UBE2V2: variants seen among roughly 807,000 people sequenced by gnomAD.
UBE2V2 encodes ubiquitin-conjugating enzyme E2 variant 2.
A neutral mutation model predicts 17.2 loss-of-function variants in UBE2V2; 9 were observed. The observed-to-expected ratio is 0.52, with a 90% CI of 0.32 to 0.91. The LOEUF (loss-of-function observed/expected upper bound fraction) is 0.91, where lower values mean the gene tolerates loss of function less well. Ranked by LOEUF, UBE2V2 falls within the 40% of genes least tolerant of loss-of-function variation. The pLI, the probability that UBE2V2 is intolerant of heterozygous loss-of-function variation, is 0.04. For missense variants in UBE2V2, 133 were observed against 182.6 expected, an observed-to-expected ratio of 0.73 and a Z score of 1.56; for synonymous variants, 61 against 57.5, an observed-to-expected ratio of 1.06 and a Z score of -0.28.
At chr8:48,012,224 T>TA (rs993886080) in intron 1 of UBE2V2, among the ~76,000 whole-genome samples, 1 of 152,142 alleles carries the variant, frequency 6.6e-6, no homozygotes, top group Non-Finnish European at 1.5e-5. Flanking sequence ...AGATCCTTCT[T>TA]ATGGATGAAA....
chr8:48,035,951 T>TC lies in UBE2V2; in HGVS notation c.17-7082_17-7081insC, dbSNP rs955408511. Among the ~76,000 whole-genome samples the TC allele has an allele frequency of 9.4e-5, 12 of 128,138 alleles. No individual in the cohort carries two copies. In the East Asian group the frequency reaches 1.6e-3, roughly 17 times the overall value. The allele number at this position is 128,138 out of a possible 152,430, so 84.1% of individuals were successfully genotyped here. ...TTACTTTTCTCCCCTTGCCTTTCTT[T>TC]TTTTTTTTTTTTTTTTTGAGACCGA... is the stretch of plus-strand genomic sequence containing the variant. On this transcript the variant is annotated intron_variant, in intron 1 of 3. Coordinates refer to ENST00000523111, the MANE Select transcript of UBE2V2 (RefSeq NM_003350.3).
chr8:48,033,917 A>G (rs538812001), intron 1 of UBE2V2, among the ~76,000 whole-genome samples: 3 of 152,174 alleles, frequency 2.0e-5, no homozygotes, highest in South Asian at 2.1e-4. Flanking sequence ...TGATTAAGCC[A>G]CTGTGCTCTA....
At chr8:48,057,547 C>T (rs2091581234) in intron 3 of UBE2V2, among the ~76,000 whole-genome samples, 1 of 152,104 alleles carries the variant, frequency 6.6e-6, no homozygotes, top group Non-Finnish European at 1.5e-5. Context: ...AGGTGATCTG[C>T]CCACCTCGCC....
upstream of UBE2V2, among the ~76,000 whole-genome samples, chr8:48,003,716 A>G (rs2091166692): frequency 6.6e-6 from 1 of 152,228 alleles, no homozygotes; most frequent in Admixed American, 6.5e-5. Context: ...CTTAGTACAG[A>G]CTAAAAGAGC....
intron 1 of UBE2V2, among the ~76,000 whole-genome samples, chr8:48,009,858 T>G (rs1029686802): frequency 6.6e-6 from 1 of 152,190 alleles, no homozygotes; most frequent in Non-Finnish European, 1.5e-5. Flanking sequence ...AGCTAGCTAG[T>G]AAGGCAAGGA....
chr8:48,006,841 T>A (rs1474195772), upstream of UBE2V2, among the ~76,000 whole-genome samples: 1 of 152,092 alleles, frequency 6.6e-6, no homozygotes, highest in African/African-American at 2.4e-5. Flanking sequence ...TCATACTGAA[T>A]GGGCGAAAAC....
At chr8:48,028,688 G>A (rs1478653830) in intron 1 of UBE2V2, among the ~76,000 whole-genome samples, 1 of 152,086 alleles carries the variant, frequency 6.6e-6, no homozygotes, top group Non-Finnish European at 1.5e-5. Flanking sequence ...GTTTCACCAT[G>A]TTGGCCAGGC....
chr8:48,004,068 C>A (rs1481074089), upstream of UBE2V2, among the ~76,000 whole-genome samples: 3 of 152,124 alleles, frequency 2.0e-5, no homozygotes, highest in East Asian at 5.8e-4. Context: ...GTAGTTACAC[C>A]AACATGGGAT....
At chr8:47,999,560 C>T in the UBE2V2 span, among the ~76,000 whole-genome samples, 59 of 152,038 alleles carry the variant, frequency 3.9e-4, no homozygotes, top group Admixed American at 1.1e-3. Flanking sequence ...CGGGGTTTCA[C>T]CATGTTAGCC....
intron 1 of UBE2V2, among the ~76,000 whole-genome samples, chr8:48,041,174 T>G (rs967875920): frequency 4.6e-5 from 5 of 107,644 alleles, no homozygotes. Context: ...TTTTTTGTTG[T>G]TTTTTTTTTT....
Position 48,030,719 on chromosome 8 carries a change from AC to A in UBE2V2, c.17-12313del, listed in dbSNP as rs1254508940. On this transcript the variant is annotated intron_variant, in intron 1 of 3. Coordinates refer to ENST00000523111, the MANE Select transcript of UBE2V2 (RefSeq NM_003350.3). ...GACAGAGTGAGACCCTGTCTCAAAA[AC>A]AAAAAACAAAACAAAAACTGGCTAG... Among the ~76,000 whole-genome samples, 8 of 151,082 alleles carry A rather than the reference AC, an allele frequency of 5.3e-5. No individual in the cohort carries two copies. In the East Asian group the frequency reaches 1.6e-3, roughly 30 times the overall value.
chr8:48,048,216 G>A (rs1027147858), intron 2 of UBE2V2, among the ~76,000 whole-genome samples: 1 of 152,096 alleles, frequency 6.6e-6, no homozygotes. Context: ...GTACACTTAC[G>A]GTTCTTTACT....
upstream of UBE2V2, among the ~76,000 whole-genome samples, chr8:48,006,683 CA>C (rs1415104117): frequency 6.6e-6 from 1 of 151,968 alleles, no homozygotes; most frequent in Non-Finnish European, 1.5e-5. Context: ...GAACCAATGA[CA>C]AAAACCACAT....
chr8:48,057,459 G>A (rs1272900932), intron 3 of UBE2V2, among the ~76,000 whole-genome samples: 2 of 151,746 alleles, frequency 1.3e-5, no homozygotes, highest in Non-Finnish European at 2.9e-5. Flanking sequence ...GTACCACCAC[G>A]CCCGGCTAAT....
intron 3 of UBE2V2, among the ~76,000 whole-genome samples, chr8:48,055,262 C>T (rs2091564362): frequency 6.8e-6 from 1 of 146,632 alleles, no homozygotes; most frequent in Non-Finnish European, 1.5e-5. Flanking sequence ...TGCAATGGTG[C>T]GATCTTGGCT....
Position 48,017,378 on chromosome 8 carries a change from CT to C in UBE2V2, c.16+8922del, listed in dbSNP as rs778688669. Among the ~76,000 whole-genome samples the C allele has an allele frequency of 9.5e-3, 1,355 of 142,036 alleles. 7 individuals are homozygous for C. Among genetic ancestry groups the C allele is most frequent in the African/African-American group, 0.02 (792 of 38,912 alleles). 93.2% of individuals were successfully genotyped at this position (142,036 alleles called of 152,430 possible). A position where few individuals can be genotyped will look rare whatever the true frequency, so the allele number is the denominator to read the frequency against. ...GAACCATTCTGTATGTTCTCTCTCTCTTTTTTTTTTTTTTGGTGGAGTTTCG... is the reference window on the plus strand; with the variant it reads ...GAACCATTCTGTATGTTCTCTCTCTCTTTTTTTTTTTTTGGTGGAGTTTCG... On this transcript the variant is annotated intron_variant, in intron 1 of 3. Coordinates refer to ENST00000523111, the MANE Select transcript of UBE2V2 (RefSeq NM_003350.3).
At chr8:47,997,514 G>T in the UBE2V2 span, among the ~76,000 whole-genome samples, 30 of 152,128 alleles carry the variant, frequency 2.0e-4, no homozygotes, top group East Asian at 3.9e-3. Flanking sequence ...TCCAGAAGGA[G>T]GGTAGAATAC....
chr8:48,008,529 C>T (rs1404098333), intron 1 of UBE2V2, 59 bp downstream of exon 1: 4 of 1,527,482 alleles, frequency 2.6e-6, no homozygotes, highest in Non-Finnish European at 2.6e-6. Context: ...GCCCCTCCGT[C>T]TGCTGCTGGC....
chr8:48,011,612 C>T (rs1453722039), intron 1 of UBE2V2, among the ~76,000 whole-genome samples: 1 of 152,194 alleles, frequency 6.6e-6, no homozygotes, highest in Non-Finnish European at 1.5e-5. Flanking sequence ...TTTAACCCTT[C>T]CTTCTACTGG....
Sources: allele counts gnomAD v4.1 joint callset (sites outside exome capture counted in the v4.1 genomes callset), GRCh38; gene constraint gnomAD v4.1.1; transcripts MANE v1.5; gene names NCBI Gene and HGNC (gene_info 2026-07-23, HGNC 2026-07-21).